The following GABRB1 variants were observed in gnomAD, a reference collection of about 807,000 sequenced individuals.
The protein encoded by GABRB1 is gamma-aminobutyric acid receptor subunit beta-1.
A neutral mutation model predicts 51.6 loss-of-function variants in GABRB1; 17 were observed. The observed-to-expected ratio is 0.33, with a 90% confidence interval of 0.23 to 0.49. The LOEUF is 0.49. Among genes scored for constraint, GABRB1 ranks in the 20% least tolerant of loss-of-function variants. GABRB1 has a pLI of 0.99. For missense variants in GABRB1, 410 were observed against 600.6 expected (o/e 0.68, Z 3.32); for synonymous variants, 247 against 218.9 (o/e 1.13, Z -1.14).
chr4:47,169,089 G>A (rs913378316), intron 4 of GABRB1, among the ~76,000 whole-genome samples: 5 of 152,078 alleles, frequency 3.3e-5, no homozygotes, highest in African/African-American at 9.7e-5. Context: ...TCTAAGTCAC[G>A]GAGGTTTAGG....
chr4:47,161,218 T>C (rs750277534), intron 3 of GABRB1, 31 bp from the exon 4 acceptor site: 30 of 238,226 alleles, frequency 1.3e-4, no homozygotes, highest in Non-Finnish European at 1.8e-4. Context: ...AGTAAAATTC[T>C]TTTTTTTTTT....
chr4:47,115,744 A>G (rs528162201), intron 3 of GABRB1, among the ~76,000 whole-genome samples: 1 of 147,626 alleles, frequency 6.8e-6, no homozygotes, highest in Non-Finnish European at 1.5e-5. Context: ...AAACATATGT[A>G]TTATGTTAAC....
upstream of GABRB1, among the ~76,000 whole-genome samples, chr4:47,026,824 G>A (rs1463676420): frequency 6.6e-6 from 1 of 151,886 alleles, no homozygotes; most frequent in African/African-American, 2.4e-5. Flanking sequence ...TCTCAGTAGA[G>A]GTTAAAATAT....
chr4:47,241,512 C>A (rs1241108459), intron 4 of GABRB1, among the ~76,000 whole-genome samples: 2 of 152,156 alleles, frequency 1.3e-5, no homozygotes, highest in Non-Finnish European at 2.9e-5. Flanking sequence ...CAGGCGACAT[C>A]ATTTTTTTTT....
chr4:47,022,061 A>T (rs1371311429), intron 1 of GABRB1, among the ~76,000 whole-genome samples: 1 of 152,106 alleles, frequency 6.6e-6, no homozygotes, highest in Non-Finnish European at 1.5e-5. Context: ...TAGTTTCTGT[A>T]TCCCTTGTCT....
intron 4 of GABRB1, among the ~76,000 whole-genome samples, chr4:47,300,268 A>G (rs1724206380): frequency 2.0e-5 from 3 of 152,236 alleles, no homozygotes; most frequent in African/African-American, 7.2e-5. Flanking sequence ...TAAAATTAAA[A>G]AAGTGTTAAT....
chr4:47,287,214 C>A (rs1723544090), intron 4 of GABRB1, among the ~76,000 whole-genome samples: 1 of 152,218 alleles, frequency 6.6e-6, no homozygotes, highest in African/African-American at 2.4e-5. Flanking sequence ...TGCACCCTAT[C>A]ATAAATGTAG....
At chr4:47,013,186 A>G (rs1724631965) in intron 1 of GABRB1, among the ~76,000 whole-genome samples, 1 of 151,378 alleles carries the variant, frequency 6.6e-6, no homozygotes, top group South Asian at 2.1e-4. Context: ...TATCTTTAGC[A>G]TTACCAATTA....
intron 3 of GABRB1, among the ~76,000 whole-genome samples, chr4:47,154,245 C>G (rs1717584322): frequency 7.5e-6 from 1 of 133,560 alleles, no homozygotes; most frequent in African/African-American, 2.8e-5. Context: ...TTGTCACATA[C>G]AAATTATGGT....
intron 3 of GABRB1, among the ~76,000 whole-genome samples, chr4:47,076,727 T>C (rs969955740): frequency 2.0e-5 from 3 of 152,022 alleles, no homozygotes; most frequent in Non-Finnish European, 2.9e-5. Context: ...TATTTCAGGG[T>C]TACCCTGTAG....
chr4:47,359,648 T>C (rs1726725567), intron 5 of GABRB1, among the ~76,000 whole-genome samples: 1 of 152,116 alleles, frequency 6.6e-6, no homozygotes, highest in South Asian at 2.1e-4. Flanking sequence ...CTGGGGATTA[T>C]ATGAAGATTT....
chr4:47,064,426 G>A (rs1430365187), intron 3 of GABRB1, among the ~76,000 whole-genome samples: 1 of 152,112 alleles, frequency 6.6e-6, no homozygotes, highest in Non-Finnish European at 1.5e-5. Flanking sequence ...CCTGAGGTCA[G>A]GAGTTCGAGA....
chr4:47,401,833 TATCTATC>T (rs1486466824), intron 5 of GABRB1, among the ~76,000 whole-genome samples: 25 of 36,356 alleles, frequency 6.9e-4, no homozygotes, highest in African/African-American at 5.1e-3. Context: ...GCTATCTATC[TATCTATC>T]ATCTATCTAT....
intron 4 of GABRB1, among the ~76,000 whole-genome samples, chr4:47,273,341 C>T (rs1329753252): frequency 6.6e-6 from 1 of 152,184 alleles, no homozygotes; most frequent in African/African-American, 2.4e-5. Context: ...ACTATGGATA[C>T]TCAGATTTGT....
At chr4:47,195,091 G>A (rs1719590901) in intron 4 of GABRB1, among the ~76,000 whole-genome samples, 1 of 152,272 alleles carries the variant, frequency 6.6e-6, no homozygotes, top group Admixed American at 6.5e-5. Context: ...CCTGGGCCGG[G>A]CCCGGTGGCT....
At chr4:47,190,447 T>C (rs908785365) in intron 4 of GABRB1, among the ~76,000 whole-genome samples, 29 of 152,126 alleles carry the variant, frequency 1.9e-4, no homozygotes, top group Non-Finnish European at 4.0e-4. Context: ...TGCTAACGGC[T>C]TTATGCACAT....
intron 1 of GABRB1, among the ~76,000 whole-genome samples, chr4:47,024,117 T>TTGTTGTTTTTTG (rs755434184): frequency 3.9e-5 from 6 of 152,048 alleles, no homozygotes; most frequent in Admixed American, 2.6e-4. Flanking sequence ...TTAGTTTTTG[T>TTGTTGTTTTTTG]TGTTGTTTTT....
chr4:47,192,145 G>C (rs960422007), intron 4 of GABRB1, among the ~76,000 whole-genome samples: 1 of 151,774 alleles, frequency 6.6e-6, no homozygotes, highest in African/African-American at 2.4e-5. Context: ...AGATGGAATC[G>C]TACATTTGGG....
chr4:47,012,075 A>G (rs1724598534), intron 1 of GABRB1, among the ~76,000 whole-genome samples: 1 of 152,216 alleles, frequency 6.6e-6, no homozygotes, highest in East Asian at 1.9e-4. Flanking sequence ...TTTGAAAGTA[A>G]ACACCATATT....
Sources: allele counts gnomAD v4.1 joint callset (sites outside exome capture counted in the v4.1 genomes callset), GRCh38; gene constraint gnomAD v4.1.1; transcripts MANE v1.5; gene names NCBI Gene and HGNC (gene_info 2026-07-23, HGNC 2026-07-21).